Variants in MAP4K4 observed in about 807,000 individuals in gnomAD.
MAP4K4 encodes mitogen-activated protein kinase kinase kinase kinase 4.
A neutral mutation model predicts 189.6 loss-of-function variants in MAP4K4; 38 were observed. That is an observed-to-expected ratio of 0.20 (90% CI 0.15 to 0.26). The LOEUF (loss-of-function observed/expected upper bound fraction) is 0.26, where lower values mean the gene tolerates loss of function less well. Among genes scored for constraint, MAP4K4 ranks in the 10% least tolerant of loss-of-function variants. The pLI, the probability that MAP4K4 is intolerant of heterozygous loss-of-function variation, is 1.00. For synonymous variants in MAP4K4, 610 were observed against 624.3 expected (o/e 0.98, Z 0.34); for missense variants, 1,054 against 1,726.9 (o/e 0.61, Z 6.91).
Position 101,829,651 on chromosome 2 carries a change from A to G in MAP4K4, c.508+57A>G, listed in dbSNP as rs979844927. 9 of 1,210,948 alleles carry G rather than the reference A, an allele frequency of 7.4e-6. No individual in the cohort carries two copies. The Admixed American group carries it at 1.7e-4, about 23-fold the overall frequency. 75.0% of individuals were successfully genotyped at this position (1,210,948 alleles called of 1,614,324 possible). On this transcript the variant is annotated intron_variant, in intron 6 of 32. Coordinates refer to ENST00000324219, the Ensembl canonical transcript of MAP4K4. ...ATTGCACCTGGCACAAGCCAGCTGC[A>G]CTCCCAGTTCTGCTTCCATCTAGCT...
intron 9 of MAP4K4, among the ~76,000 whole-genome samples, chr2:101,836,561 C>T (rs985682321): frequency 6.6e-6 from 1 of 151,890 alleles, no homozygotes; most frequent in African/African-American, 2.4e-5. Flanking sequence ...GCACTCCAGC[C>T]TGGGTAACAA....
intron 2 of MAP4K4, among the ~76,000 whole-genome samples, chr2:101,737,441 ATATATATATATATATATATATTTT>A (rs1249022867): frequency 1.8e-4 from 6 of 32,632 alleles, no homozygotes; most frequent in African/African-American, 9.3e-4. Flanking sequence ...ATATATATAT[ATATATATATATATATATATATTTT>A]TTTTTTTTTT....
chr2:101,838,807 A>T (rs2096837266), intron 9 of MAP4K4, among the ~76,000 whole-genome samples: 1 of 152,254 alleles, frequency 6.6e-6, no homozygotes, highest in African/African-American at 2.4e-5. Context: ...AAAAGCAGTG[A>T]AGTGGAAAGA....
intron 2 of MAP4K4, among the ~76,000 whole-genome samples, chr2:101,716,218 C>T (rs1050013257): frequency 6.6e-6 from 1 of 152,168 alleles, no homozygotes; most frequent in Non-Finnish European, 1.5e-5. Flanking sequence ...CCGAGGTGGG[C>T]GGATCACGAG....
At position 101,750,131 on chromosome 2, in the gene MAP4K4, AC is replaced by A. The variant is rs748881903; in HGVS notation, c.124-40587del. ...TCCTCAGGGATCTAGAACTAGAAATACCATTTGACCCAGCCATCCCATTACT... is the reference window on the plus strand; with the variant it reads ...TCCTCAGGGATCTAGAACTAGAAATACATTTGACCCAGCCATCCCATTACT... On this transcript the variant is annotated intron_variant, in intron 2 of 32. Transcript: ENST00000324219. Among the ~76,000 whole-genome samples the A allele has an allele frequency of 6.4e-3, 954 of 149,378 alleles. 6 individuals are homozygous for A. The highest frequency in any genetic ancestry group is 0.023 in the South Asian group (109 of 4,704).
chr2:101,861,250 T>C, intron 16 of MAP4K4: 1 of 308,514 alleles, frequency 3.2e-6, no homozygotes, highest in Non-Finnish European at 5.9e-6. Context: ...AACTCAGGTG[T>C]TAAGTGCCTC....
At chr2:101,725,138 C>T (rs1016466137) in intron 2 of MAP4K4, among the ~76,000 whole-genome samples, 4 of 152,148 alleles carry the variant, frequency 2.6e-5, no homozygotes, top group Non-Finnish European at 4.4e-5. Flanking sequence ...TCAAGCAACA[C>T]GTGACTGTAC....
At chr2:101,715,224 A>G (rs1227906814) in intron 2 of MAP4K4, among the ~76,000 whole-genome samples, 2 of 152,184 alleles carry the variant, frequency 1.3e-5, no homozygotes, top group Non-Finnish European at 2.9e-5. Context: ...GTCTGTGTCC[A>G]GATTTCTTCT....
intron 12 of MAP4K4, among the ~76,000 whole-genome samples, chr2:101,847,867 A>G (rs1048994811): frequency 3.9e-5 from 6 of 152,236 alleles, no homozygotes; most frequent in African/African-American, 1.4e-4. Context: ...ACCCAGAGCA[A>G]CCTCCAGCCC....
intron 2 of MAP4K4, among the ~76,000 whole-genome samples, chr2:101,774,619 C>G (rs1275696886): frequency 6.6e-6 from 1 of 152,058 alleles, no homozygotes; most frequent in Non-Finnish European, 1.5e-5. Context: ...TGTGAGGTAA[C>G]CTGAATTTTG....
intron 2 of MAP4K4, among the ~76,000 whole-genome samples, chr2:101,781,898 C>G (rs1453750186): frequency 6.6e-6 from 1 of 152,172 alleles, no homozygotes; most frequent in Non-Finnish European, 1.5e-5. Flanking sequence ...TCTGGTCCCC[C>G]CACCTGCCAT....
At chr2:101,713,300 T>C (rs1485179730) in intron 2 of MAP4K4, among the ~76,000 whole-genome samples, 1 of 152,020 alleles carries the variant, frequency 6.6e-6, no homozygotes, top group Non-Finnish European at 1.5e-5. Flanking sequence ...AATTAAAAAA[T>C]TTTTAATCCC....
chr2:101,867,008 G>C (rs1369819057), intron 19 of MAP4K4, among the ~76,000 whole-genome samples: 1 of 151,732 alleles, frequency 6.6e-6, no homozygotes, highest in Non-Finnish European at 1.5e-5. Flanking sequence ...CAAAGTGAGT[G>C]TGATGATGGA....
intron 24 of MAP4K4, among the ~76,000 whole-genome samples, chr2:101,872,772 G>A (rs1367674319): frequency 1.3e-5 from 2 of 152,090 alleles, no homozygotes; most frequent in Non-Finnish European, 2.9e-5. Context: ...CATGGAGGGG[G>A]TCCAATGGTA....
chr2:101,835,366 C>G (rs2096719109), intron 8 of MAP4K4, among the ~76,000 whole-genome samples: 1 of 152,218 alleles, frequency 6.6e-6, no homozygotes, highest in Non-Finnish European at 1.5e-5. Context: ...GTGTGCCTAA[C>G]ACACCTTTAT....
intron 7 of MAP4K4, 110 bp from the exon 8 acceptor site, chr2:101,834,299 G>T: frequency 1.5e-6 from 1 of 650,586 alleles, no homozygotes; most frequent in Non-Finnish European, 2.7e-6. Context: ...TTAATTTTCT[G>T]GCAAATTTCC....
chr2:101,774,135 C>CTTA (rs2082780924), intron 2 of MAP4K4, among the ~76,000 whole-genome samples: 1 of 152,176 alleles, frequency 6.6e-6, no homozygotes, highest in Non-Finnish European at 1.5e-5. Flanking sequence ...AAGGAACCTC[C>CTTA]AAATGGTTCT....
At chr2:101,877,226 C>T in intron 27 of MAP4K4, 80 bp downstream of exon 27, 1 of 1,399,982 alleles carries the variant, frequency 7.1e-7, no homozygotes, top group Non-Finnish European at 1.0e-6. Context: ...CTTCAGTTAG[C>T]TCATTCACTG....
intron 31 of MAP4K4, 28 bp from the exon 32 acceptor site, chr2:101,888,768 C>A: frequency 1.3e-6 from 2 of 1,558,682 alleles, no homozygotes; most frequent in Non-Finnish European, 1.7e-6. Context: ...TCATCTTTAA[C>A]GGTTTGCAAT....
Sources: gnomAD v4.1 joint callset for allele counts (sites outside exome capture counted in the v4.1 genomes callset) on GRCh38, gnomAD v4.1.1 for gene constraint, MANE v1.5 for transcripts, NCBI Gene and HGNC (gene_info 2026-07-23, HGNC 2026-07-21) for gene names.